CTNNA2: variants seen among roughly 807,000 people sequenced by gnomAD.
The protein encoded by CTNNA2 is catenin alpha-2.
CTNNA2 carries 42 observed loss-of-function variants against 101.0 expected under a neutral mutation model. That is an observed-to-expected ratio of 0.42 (90% CI 0.32 to 0.54). The LOEUF is 0.54. Ranked by LOEUF, CTNNA2 falls within the 20% of genes least tolerant of loss-of-function variation. The pLI is 0.14. For synonymous variants in CTNNA2, 450 were observed against 456.4 expected, an observed-to-expected ratio of 0.99 and a Z score of 0.18; for missense variants, 871 against 1,223.1, an observed-to-expected ratio of 0.71 and a Z score of 4.29.
chr2:80,588,464 A>G (rs182161223), intron 14 of CTNNA2, among the ~76,000 whole-genome samples: 2 of 152,276 alleles, frequency 1.3e-5, no homozygotes, highest in Non-Finnish European at 2.9e-5. Flanking sequence ...CTCTGCCCAC[A>G]TTTGCAAATG....
intron 7 of CTNNA2, among the ~76,000 whole-genome samples, chr2:80,091,906 T>C (rs1558798995): frequency 6.6e-6 from 1 of 152,174 alleles, no homozygotes; most frequent in East Asian, 1.9e-4. Context: ...ATCCAAACTG[T>C]TGTTTTAAGT....
At chr2:79,884,034 A>G (rs967446705) in intron 6 of CTNNA2, among the ~76,000 whole-genome samples, 1 of 151,808 alleles carries the variant, frequency 6.6e-6, no homozygotes, top group Non-Finnish European at 1.5e-5. Flanking sequence ...TGCTGTAACA[A>G]ATTAAAAGTG....
At chr2:80,494,636 A>T (rs1023557482) in intron 9 of CTNNA2, among the ~76,000 whole-genome samples, 47 of 152,274 alleles carry the variant, frequency 3.1e-4, no homozygotes, top group African/African-American at 1.0e-3. Context: ...GATTAGAATT[A>T]TTCTGCATGA....
chr2:79,460,152 A>T (rs914523896), intron 4 of CTNNA2, among the ~76,000 whole-genome samples: 7 of 152,256 alleles, frequency 4.6e-5, no homozygotes, highest in Admixed American at 4.6e-4. Context: ...CTTGTTGAAT[A>T]TCTCTACCTG....
chr2:80,523,590 T>C (rs536053349), intron 9 of CTNNA2, among the ~76,000 whole-genome samples: 6 of 152,276 alleles, frequency 3.9e-5, no homozygotes, highest in Non-Finnish European at 1.5e-5. Context: ...CAGTCCTGAG[T>C]GAATGATGGG....
At chr2:79,650,309 A>G (rs564606297) in intron 1 of CTNNA2, among the ~76,000 whole-genome samples, 11 of 151,862 alleles carry the variant, frequency 7.2e-5, no homozygotes, top group African/African-American at 2.4e-4. Flanking sequence ...CACTGATTTT[A>G]TGGGACAAGA....
chr2:80,384,324 A>G (rs986226135), intron 7 of CTNNA2, among the ~76,000 whole-genome samples: 3 of 152,110 alleles, frequency 2.0e-5, no homozygotes, highest in Admixed American at 2.0e-4. Context: ...GATGTGACAC[A>G]TAATGTGTGT....
chr2:79,308,582 C>G (rs575423117), intron 2 of CTNNA2, among the ~76,000 whole-genome samples: 1 of 152,182 alleles, frequency 6.6e-6, no homozygotes, highest in Non-Finnish European at 1.5e-5. Flanking sequence ...TTTTTTCAGA[C>G]CAATGTCCGG....
intron 17 of CTNNA2, among the ~76,000 whole-genome samples, chr2:80,615,156 T>C (rs1698749791): frequency 6.6e-6 from 1 of 151,528 alleles, no homozygotes; most frequent in African/African-American, 2.4e-5. Context: ...TACACATCTT[T>C]CCATTACCTT....
intron 7 of CTNNA2, among the ~76,000 whole-genome samples, chr2:80,296,320 A>G (rs1675740747): frequency 6.6e-6 from 1 of 152,210 alleles, no homozygotes; most frequent in South Asian, 2.1e-4. Context: ...TCCTGGAAGG[A>G]ATATCAAGTT....
At chr2:80,538,918 T>C (rs775544214) in intron 9 of CTNNA2, among the ~76,000 whole-genome samples, 24 of 152,222 alleles carry the variant, frequency 1.6e-4, no homozygotes, top group Non-Finnish European at 3.4e-4. Flanking sequence ...TGGTTTGTAG[T>C]TCTCCTTGAA....
chr2:79,218,036 A>G (rs1674289305), intron 2 of CTNNA2, among the ~76,000 whole-genome samples: 1 of 152,246 alleles, frequency 6.6e-6, no homozygotes, highest in Admixed American at 6.5e-5. Context: ...GATTCAGGCA[A>G]TTCACTTAAA....
At chr2:79,597,068 A>T (rs1677235827) in intron 1 of CTNNA2, among the ~76,000 whole-genome samples, 1 of 152,218 alleles carries the variant, frequency 6.6e-6, no homozygotes, top group South Asian at 2.1e-4. Context: ...TATATAGGTC[A>T]GTTTGAAACA....
chr2:80,524,016 G>T (rs1323038492), intron 9 of CTNNA2, among the ~76,000 whole-genome samples: 4 of 152,104 alleles, frequency 2.6e-5, no homozygotes, highest in Non-Finnish European at 4.4e-5. Context: ...TGCTCTTGGC[G>T]CTGAGGAGTT....
chr2:79,371,640 G>A (rs1028301013), intron 3 of CTNNA2, among the ~76,000 whole-genome samples: 1 of 152,144 alleles, frequency 6.6e-6, no homozygotes, highest in Non-Finnish European at 1.5e-5. Flanking sequence ...CTTTGCAGGA[G>A]GAACATGGTT....
Position 80,209,602 on chromosome 2 carries a change from GAC to G in CTNNA2, c.1057-183589_1057-183588del, listed in dbSNP as rs139384928. ...TAGCCCACTCATTCTCATACACACA[GAC>G]ACACACACACACACACACAGACACA... On this transcript the variant is annotated intron_variant, in intron 7 of 18. Coordinates refer to ENST00000402739, the MANE Select transcript of CTNNA2 (RefSeq NM_001282597.3). Among the ~76,000 whole-genome samples, 351 of 145,122 alleles carry G rather than the reference GAC, an allele frequency of 2.4e-3. 2 individuals are homozygous for G. The highest frequency in any genetic ancestry group is 3.6e-3 in the South Asian group (17 of 4,670).
intron 7 of CTNNA2, among the ~76,000 whole-genome samples, chr2:80,347,263 A>G (rs1035912452): frequency 6.6e-6 from 1 of 152,222 alleles, no homozygotes; most frequent in African/African-American, 2.4e-5. Context: ...GTATTCCTCC[A>G]TGTGAACACT....
chr2:80,450,778 A>G (rs1433502182), intron 9 of CTNNA2, among the ~76,000 whole-genome samples: 1 of 152,184 alleles, frequency 6.6e-6, no homozygotes, highest in Non-Finnish European at 1.5e-5. Flanking sequence ...GCACTTGTTG[A>G]TGGCAGAACT....
At chr2:80,233,799 G>T (rs1389062060) in intron 7 of CTNNA2, among the ~76,000 whole-genome samples, 1 of 151,922 alleles carries the variant, frequency 6.6e-6, no homozygotes, top group Non-Finnish European at 1.5e-5. Flanking sequence ...CATTCACTCA[G>T]GCAATCCCAC....
Sources: gnomAD v4.1 joint callset for allele counts (sites outside exome capture counted in the v4.1 genomes callset) on GRCh38, gnomAD v4.1.1 for gene constraint, MANE v1.5 for transcripts, NCBI Gene and HGNC (gene_info 2026-07-23, HGNC 2026-07-21) for gene names.